Variants in ARB2A observed in about 807,000 individuals in gnomAD.
ARB2A encodes the protein ARB2 cotranscriptional regulator A, also known as cotranscriptional regulator ARB2A.
At chr5:93,686,839 T>G in the ARB2A span, among the ~76,000 whole-genome samples, 36 of 151,600 alleles carry the variant, frequency 2.4e-4, no homozygotes, top group African/African-American at 8.8e-4. Flanking sequence ...CCAAATGTTA[T>G]CATTTAAAAG....
the ARB2A span, among the ~76,000 whole-genome samples, chr5:93,672,580 T>C: frequency 2.6e-5 from 4 of 152,256 alleles, no homozygotes; most frequent in Admixed American, 2.0e-4. Context: ...AGTGCTGGGA[T>C]TACAGCCGTG....
At chr5:93,805,406 G>A in the ARB2A span, 23 of 984,858 alleles carry the variant, frequency 2.3e-5, no homozygotes, top group Middle Eastern at 5.2e-4. Flanking sequence ...CAAAACCCCC[G>A]TTTCCCCAGA....
the ARB2A span, chr5:94,050,699 A>G: frequency 8.7e-6 from 13 of 1,498,446 alleles, no homozygotes; most frequent in Non-Finnish European, 1.1e-5. Context: ...AAAATTGGGA[A>G]AAACAAAGTT....
At chr5:93,643,855 T>C in the ARB2A span, among the ~76,000 whole-genome samples, 2 of 152,362 alleles carry the variant, frequency 1.3e-5, no homozygotes, top group African/African-American at 4.8e-5. Flanking sequence ...GTATTTCTAA[T>C]AAGTATTATC....
the ARB2A span, among the ~76,000 whole-genome samples, chr5:93,721,586 G>A: frequency 6.6e-6 from 1 of 152,126 alleles, no homozygotes; most frequent in African/African-American, 2.4e-5. Flanking sequence ...AATTATTTGG[G>A]TTTGTTATCA....
the ARB2A span, among the ~76,000 whole-genome samples, chr5:93,763,916 A>G: frequency 0.033 from 5,095 of 152,288 alleles, 181 homozygotes; most frequent in East Asian, 0.17. Context: ...GCTCAACTAC[A>G]TGGAAACTGA....
the ARB2A span, among the ~76,000 whole-genome samples, chr5:94,038,246 A>G: frequency 6.6e-6 from 1 of 152,020 alleles, no homozygotes; most frequent in Non-Finnish European, 1.5e-5. Flanking sequence ...CTACCAACCT[A>G]TTTACTACTT....
At chr5:94,067,229 A>C in the ARB2A span, among the ~76,000 whole-genome samples, 2 of 152,198 alleles carry the variant, frequency 1.3e-5, no homozygotes. Context: ...CTCACAACAA[A>C]CATCATAATG....
chr5:93,860,150 G>A, the ARB2A span, among the ~76,000 whole-genome samples: 14 of 152,068 alleles, frequency 9.2e-5, no homozygotes, highest in African/African-American at 1.7e-4. Flanking sequence ...AAAATTAGCC[G>A]GGTGTTGTGG....
the ARB2A span, chr5:93,881,467 C>T: frequency 3.7e-6 from 6 of 1,603,470 alleles, no homozygotes; most frequent in Non-Finnish European, 5.1e-6. Flanking sequence ...TGATCTCACT[C>T]ACTCTGATAT....
chr5:93,674,677 G>T, the ARB2A span, among the ~76,000 whole-genome samples: 1 of 152,118 alleles, frequency 6.6e-6, no homozygotes, highest in African/African-American at 2.4e-5. Context: ...AGAGAAGGAG[G>T]CCTGCCAAAG....
the ARB2A span, among the ~76,000 whole-genome samples, chr5:93,704,402 A>AAAAT: frequency 6.6e-6 from 1 of 152,258 alleles, no homozygotes; most frequent in East Asian, 1.9e-4. Flanking sequence ...AAACAAAACA[A>AAAAT]AAATAAATAA....
At chr5:94,082,196 G>A in the ARB2A span, among the ~76,000 whole-genome samples, 132 of 152,074 alleles carry the variant, frequency 8.7e-4, no homozygotes, top group Non-Finnish European at 1.5e-3. Flanking sequence ...AGTATCCCTC[G>A]CATACAAATT....
At chr5:94,064,125 A>G in the ARB2A span, among the ~76,000 whole-genome samples, 4 of 152,134 alleles carry the variant, frequency 2.6e-5, no homozygotes, top group African/African-American at 9.7e-5. Context: ...GATATGAATG[A>G]GAAATTTACC....
the ARB2A span, among the ~76,000 whole-genome samples, chr5:93,988,343 C>T: frequency 6.6e-6 from 1 of 152,288 alleles, no homozygotes; most frequent in East Asian, 1.9e-4. Flanking sequence ...ATCTATTTCT[C>T]ATATTTAATC....
At chr5:93,717,395 A>C in the ARB2A span, among the ~76,000 whole-genome samples, 1 of 151,296 alleles carries the variant, frequency 6.6e-6, no homozygotes, top group Admixed American at 6.6e-5. Flanking sequence ...AAACAACCAG[A>C]AAGTTGGAGT....
At chr5:93,797,706 T>C in the ARB2A span, among the ~76,000 whole-genome samples, 2 of 152,130 alleles carry the variant, frequency 1.3e-5, no homozygotes, top group African/African-American at 4.8e-5. Context: ...TTAAACTATT[T>C]TACTGAGTGT....
chr5:94,100,210 C>T, the ARB2A span, among the ~76,000 whole-genome samples: 1 of 152,036 alleles, frequency 6.6e-6, no homozygotes, highest in African/African-American at 2.4e-5. Context: ...ACACAAATAC[C>T]TAGGAATGCA....
the ARB2A span, among the ~76,000 whole-genome samples, chr5:93,947,866 A>G: frequency 2.6e-5 from 4 of 151,712 alleles, no homozygotes; most frequent in Non-Finnish European, 5.9e-5. Flanking sequence ...TTATGGCTGC[A>G]TAGTATTCCA....
Sources: allele counts gnomAD v4.1 joint callset (sites outside exome capture counted in the v4.1 genomes callset), GRCh38; gene constraint gnomAD v4.1.1; transcripts MANE v1.5; gene names NCBI Gene and HGNC (gene_info 2026-07-23, HGNC 2026-07-21).